Variants in DHCR7 observed in about 807,000 individuals in gnomAD.
DHCR7 encodes 7-DHC reductase.
In DHCR7, 40 loss-of-function variants were observed where a neutral mutation model predicts 43.3. That is an observed-to-expected ratio of 0.92 (90% CI 0.72 to 1.20). The LOEUF (loss-of-function observed/expected upper bound fraction) is 1.20. DHCR7 is among the 50% of genes most tolerant of loss of function. The pLI is 0.00. For synonymous variants in DHCR7, 298 were observed against 271.4 expected (o/e 1.10, Z -0.96); for missense variants, 608 against 644.6 (o/e 0.94, Z 0.62).
rs2135947085 is a variant in DHCR7 at position 71,444,068 on chromosome 11, G to C, written c.246C>G (p.Leu82=). The C allele has an allele frequency of 6.2e-7, 1 of 1,613,822 alleles. No homozygotes were observed. The highest frequency in any genetic ancestry group is 8.5e-7 in the Non-Finnish European group (1 of 1,179,948). ...VVDIVTGHAR[L]SDIWAKTPPI... is the part of the protein sequence containing the mutation. ...GTGGAGTCTTGGCCCAGATGTCCGA[G>C]AGCCGAGCATGTCCGGTGACGATGT... Residue 82 remains leucine (L), a synonymous_variant, in exon 4 of 9, where the codon CTC becomes CTG. Transcript: ENST00000355527.
downstream of DHCR7, among the ~76,000 whole-genome samples, chr11:71,431,048 G>A (rs372892438): frequency 6.6e-6 from 1 of 152,146 alleles, no homozygotes; most frequent in East Asian, 1.9e-4. Context: ...CCAGCTACTC[G>A]GGAGGCTGAG....
intron 3 of DHCR7, among the ~76,000 whole-genome samples, 195 bp downstream of exon 3, chr11:71,444,660 A>G (rs1338508105): frequency 6.6e-6 from 1 of 151,918 alleles, no homozygotes; most frequent in Non-Finnish European, 1.5e-5. Context: ...TTGACTGACC[A>G]TGATTTCTAG....
chr11:71,443,903 T>C (rs1949374646), intron 4 of DHCR7, 90 bp downstream of exon 4: 2 of 1,063,634 alleles, frequency 1.9e-6, no homozygotes, highest in South Asian at 3.1e-5. Flanking sequence ...TGAGCCAGGA[T>C]CCATGTCCCA....
chr11:71,442,697 C>G (rs1949362254), intron 4 of DHCR7, among the ~76,000 whole-genome samples: 1 of 152,108 alleles, frequency 6.6e-6, no homozygotes, highest in Admixed American at 6.6e-5. Flanking sequence ...TGTTCTACCA[C>G]CCAGGCTGGA....
chr11:71,444,283 G>A (rs746345752), intron 3 of DHCR7, 68 bp from the exon 4 acceptor site: 2 of 1,319,892 alleles, frequency 1.5e-6, no homozygotes, highest in African/African-American at 1.5e-5. Context: ...GACCCTAAGA[G>A]GCTCTGTGTG....
In DHCR7 at chr11:71,444,650, T is replaced by C. The variant is rs75644508; in HGVS notation, c.98+205A>G. Among the ~76,000 whole-genome samples the C allele has an allele frequency of 3.3e-3, 501 of 152,330 alleles. 5 individuals carry two copies. The highest frequency in any genetic ancestry group is 0.012 in the African/African-American group (486 of 41,560). On this transcript the variant is annotated intron_variant, in intron 3 of 8. Coordinates refer to ENST00000355527, the MANE Select transcript of DHCR7 (RefSeq NM_001360.3). ...AGCCTTTATCTTTTTTTCTAAGTTG[T>C]TGACTGACCATGATTTCTAGTTTCT...
downstream of DHCR7, among the ~76,000 whole-genome samples, chr11:71,433,231 G>A (rs1486019067): frequency 6.6e-6 from 1 of 152,236 alleles, no homozygotes; most frequent in African/African-American, 2.4e-5. Flanking sequence ...GGAACAGAAT[G>A]CTCTCTGTAC....
Position 71,438,093 on chromosome 11 carries a change from C to A in DHCR7, c.832-150G>T, listed in dbSNP as rs531443406. 6 of 911,898 alleles carry A rather than the reference C, an allele frequency of 6.6e-6. No homozygotes were observed. In the East Asian group the frequency reaches 1.3e-4, roughly 20 times the overall value. The allele number at this position is 911,898 out of a possible 1,614,324, so 56.5% of individuals were successfully genotyped here. A position where few individuals can be genotyped will look rare whatever the true frequency, so the allele number is the denominator to read the frequency against. On this transcript the variant is annotated intron_variant, in intron 7 of 8. Transcript: ENST00000355527. ...TGCTGGGGCTGTTCCTTCCCTGCGG[C>A]TGGGGCTGTTCCTGCCTGGGTCATG...
chr11:71,432,404 AT>A (rs1949232891), downstream of DHCR7, among the ~76,000 whole-genome samples: 1 of 152,178 alleles, frequency 6.6e-6, no homozygotes, highest in Admixed American at 6.5e-5. Flanking sequence ...TTCATTGGTC[AT>A]TTATATTTTT....
At chr11:71,438,060 T>G in intron 7 of DHCR7, 117 bp from the exon 8 acceptor site, 2 of 1,200,936 alleles carry the variant, frequency 1.7e-6, no homozygotes, top group Non-Finnish European at 1.2e-6. Context: ...GCTCAGCAAC[T>G]TCCTCAATGC....
At chr11:71,437,989 C>G (rs775716882) in intron 7 of DHCR7, 46 bp from the exon 8 acceptor site, 4 of 1,605,418 alleles carry the variant, frequency 2.5e-6, no homozygotes, top group South Asian at 1.1e-5. Flanking sequence ...CCTCCTGGGG[C>G]CCCCATGGAC....
In DHCR7 at chr11:71,435,398, G is replaced by A. The variant is rs148660993; in HGVS notation, c.1405C>T (p.Arg469Cys). The A allele has an allele frequency of 1.4e-5, 23 of 1,612,336 alleles. No individual in the cohort carries two copies. Among genetic ancestry groups the A allele is most frequent in the Middle Eastern group, 1.6e-4 (1 of 6,084 alleles). The change falls in exon 9 of 9, where the codon CGC becomes TGC. Residue 469 changes from arginine (R) to cysteine (C), a missense_variant. Physicochemically the swap from Arg to Cys is radical, Grantham distance 180. Transcript: ENST00000355527. ...CCTTAGAAGATTCCAGGCAGCAGGC[G>A]GTAAGGCACTGCGGCGGTGTAGCGC... ...WERYTAAVPYRLLPGIF is the reference protein window; with the variant it reads ...WERYTAAVPYCLLPGIF
At chr11:71,434,111 G>A (rs773243322), downstream of DHCR7, among the ~76,000 whole-genome samples, 3 of 152,222 alleles carry the variant, frequency 2.0e-5, no homozygotes, top group Non-Finnish European at 4.4e-5. Context: ...ACTCTTTCTG[G>A]CTTCTCCATT....
Position 71,435,461 on chromosome 11 carries a change from C to A in DHCR7, c.1342G>T (p.Glu448Ter). The A allele has an allele frequency of 6.2e-7, 1 of 1,612,620 alleles. No homozygotes were observed. Among genetic ancestry groups the A allele is most frequent in the African/African-American group, 1.3e-5 (1 of 75,058 alleles). Residue 448 changes from glutamate to a stop codon, truncating the protein, a stop_gained, in exon 9 of 9, where the codon GAG becomes TAG. Transcript: ENST00000355527. LOFTEE classifies it high-confidence loss of function. ...ILLTHRCLRD[E>*]HRCASKYGRD... is the part of the protein sequence containing the mutation. ...CCGTACTTGCTGGCGCAGCGGTGCT[C>A]GTCCCGGAGGCAGCGGTGGGTCAGC...
downstream of DHCR7, among the ~76,000 whole-genome samples, chr11:71,427,517 A>C (rs1046714716): frequency 4.6e-5 from 7 of 152,224 alleles, no homozygotes; most frequent in Non-Finnish European, 8.8e-5. Context: ...AACCTCACTA[A>C]ATTCACTTAT....
chr11:71,440,813 A>G (rs1949340631), intron 6 of DHCR7, among the ~76,000 whole-genome samples: 1 of 152,058 alleles, frequency 6.6e-6, no homozygotes, highest in Admixed American at 6.6e-5. Context: ...AATGGGTACA[A>G]GCCAGCAGGG....
At chr11:71,436,969 AC>A (rs1949288844) in intron 8 of DHCR7, among the ~76,000 whole-genome samples, 1 of 152,212 alleles carries the variant, frequency 6.6e-6, no homozygotes, top group Non-Finnish European at 1.5e-5. Context: ...AAACCAGGGA[AC>A]CAGCAGACCT....
chr11:71,428,865 T>C, intron 2 of DHCR7: 1 of 456,256 alleles, frequency 2.2e-6, no homozygotes, highest in Non-Finnish European at 4.4e-6. Context: ...GCAAGGCAAG[T>C]CAAGAATTCT....
chr11:71,435,689 C>T lies in DHCR7; in HGVS notation c.1114G>A (p.Gly372Ser), dbSNP rs760104729. ...CACTCGATGACCTTGGGCTTCCTGC[C>T]CCAGATGAGGCAGCGCCCATCCGTG... Reference protein sequence around the residue: ...RRTDGRCLIWGRKPKVIECSY... With the variant: ...RRTDGRCLIWSRKPKVIECSY... The change falls in exon 9 of 9, where the codon GGC becomes AGC. Residue 372 changes from glycine (G) to serine (S), a missense_variant. Coordinates refer to ENST00000355527, the MANE Select transcript of DHCR7 (RefSeq NM_001360.3). The T allele has an allele frequency of 2.5e-6, 4 of 1,613,236 alleles. No homozygotes were observed. Among genetic ancestry groups the T allele is most frequent in the Middle Eastern group, 1.6e-4 (1 of 6,062 alleles).
Sources: gnomAD v4.1 joint callset for allele counts (sites outside exome capture counted in the v4.1 genomes callset) on GRCh38, gnomAD v4.1.1 for gene constraint, MANE v1.5 for transcripts, NCBI Gene and HGNC (gene_info 2026-07-23, HGNC 2026-07-21) for gene names.